Variants in HNRNPL observed in about 807,000 individuals in gnomAD.
The protein encoded by HNRNPL is heterogeneous nuclear ribonucleoprotein L.
A neutral mutation model predicts 64.0 loss-of-function variants in HNRNPL; 12 were observed. The observed-to-expected ratio is 0.19, with a 90% CI of 0.12 to 0.30. The LOEUF (loss-of-function observed/expected upper bound fraction) is 0.30. Among genes scored for constraint, HNRNPL ranks in the 10% least tolerant of loss-of-function variants. The pLI is 1.00. For synonymous variants in HNRNPL, 385 were observed against 313.0 expected, an observed-to-expected ratio of 1.23 and a Z score of -2.43; for missense variants, 484 against 797.4, an observed-to-expected ratio of 0.61 and a Z score of 4.73.
At chr19:38,840,793 G>A (rs1972091666) in intron 6 of HNRNPL, 1 of 542,398 alleles carries the variant, frequency 1.8e-6, no homozygotes, top group Non-Finnish European at 3.2e-6. Flanking sequence ...GCCTTGTTCT[G>A]TGAAGGACAA....
intron 10 of HNRNPL, among the ~76,000 whole-genome samples, chr19:38,837,930 T>C (rs1971983773): frequency 6.6e-6 from 1 of 152,268 alleles, no homozygotes; most frequent in Admixed American, 6.5e-5. Flanking sequence ...CACTGTTTGC[T>C]GAATGCAAGG....
At chr19:38,842,879 A>G (rs1444793417) in intron 6 of HNRNPL, among the ~76,000 whole-genome samples, 1 of 152,164 alleles carries the variant, frequency 6.6e-6, no homozygotes, top group Admixed American at 6.5e-5. Flanking sequence ...GGTTGTTGCC[A>G]TGTTTCTGTT....
upstream of HNRNPL, among the ~76,000 whole-genome samples, chr19:38,851,500 G>A (rs908259357): frequency 6.6e-6 from 1 of 152,258 alleles, no homozygotes; most frequent in Non-Finnish European, 1.5e-5. Flanking sequence ...AGAAATAAAA[G>A]CGAAGCTAGC....
intron 12 of HNRNPL, 22 bp downstream of exon 12, chr19:38,837,362 T>G: frequency 3.8e-6 from 6 of 1,594,392 alleles, no homozygotes; most frequent in Non-Finnish European, 5.2e-6. Flanking sequence ...GGTTGATGCC[T>G]GCAGGACACA....
chr19:38,840,806 C>A, intron 6 of HNRNPL: 1 of 523,858 alleles, frequency 1.9e-6, no homozygotes, highest in Non-Finnish European at 3.3e-6. Flanking sequence ...AAGGACAAGG[C>A]CAGATTCTGT....
chr19:38,843,671 G>A, intron 6 of HNRNPL, 171 bp downstream of exon 6: 2 of 618,398 alleles, frequency 3.2e-6, no homozygotes, highest in East Asian at 5.5e-5. Context: ...GACCCATGGA[G>A]GCCTCTCACT....
chr19:38,851,076 T>A (rs1235191526), upstream of HNRNPL: 2 of 152,466 alleles, frequency 1.3e-5, no homozygotes, highest in Non-Finnish European at 2.9e-5. Context: ...ACCTGACAGC[T>A]CGACCCCTCT....
intron 6 of HNRNPL, chr19:38,841,542 G>A (rs907240887): frequency 2.0e-5 from 13 of 654,206 alleles, no homozygotes; most frequent in East Asian, 1.3e-4. Flanking sequence ...AATGGAAAAG[G>A]ACTACTTACA....
rs1437912946 is a variant in HNRNPL at position 38,843,888 on chromosome 19, A to G, written c.834T>C (p.Asn278=). 5.6e-6 allele frequency: 9 copies of G among 1,614,222 alleles called. No homozygotes were observed. The highest frequency in any genetic ancestry group is 7.6e-6 in the Non-Finnish European group (9 of 1,180,016). Residue 278 remains asparagine, a synonymous_variant, in exon 6 of 13, where the codon AAT becomes AAC. Coordinates refer to ENST00000221419, the MANE Select transcript of HNRNPL (RefSeq NM_001533.3). Reference sequence around the variant, plus strand: ...TTGTGTAGTCCCAAGTATCCTGATCATTCTTGAACACATTCAAGCGTGTAG... The same window carrying G: ...TTGTGTAGTCCCAAGTATCCTGATCGTTCTTGAACACATTCAAGCGTGTAG... ...AKPTRLNVFK[N]DQDTWDYTNP...
In HNRNPL at chr19:38,849,763, G is replaced by A. The variant is rs1167987427; in HGVS notation, c.204C>T (p.Asp68=). ...CGCCACCGCCGCCGCCTCCGTGCTG[G>A]TCGCCGGCGTTGTCAGTCTTGAGCC... ...PKRLKTDNAG[D]QHGGGGGGGG... is the part of the protein sequence containing the mutation. The change falls in exon 1 of 13, where the codon GAC becomes GAT. Residue 68 remains aspartate (D), a synonymous_variant. Coordinates refer to ENST00000221419, the MANE Select transcript of HNRNPL (RefSeq NM_001533.3). 7.0e-7 allele frequency: 1 copy of A among 1,422,758 alleles called. No individual in the cohort carries two copies. The highest frequency in any genetic ancestry group is 2.6e-5 in the Admixed American group (1 of 38,884). 88.1% of individuals were successfully genotyped at this position (1,422,758 alleles called of 1,614,324 possible). A position where few individuals can be genotyped will look rare whatever the true frequency, so the allele number is the denominator to read the frequency against.
At chr19:38,849,378 AT>A (rs1972418385) in intron 1 of HNRNPL, 1 of 282,530 alleles carries the variant, frequency 3.5e-6, no homozygotes, top group Admixed American at 5.3e-5. Context: ...AGCGAAGAAA[AT>A]GATAAAGGGG....
chr19:38,849,074 G>A (rs191157994), intron 1 of HNRNPL, among the ~76,000 whole-genome samples: 2 of 152,280 alleles, frequency 1.3e-5, no homozygotes, highest in Admixed American at 6.5e-5. Flanking sequence ...GTGAATCCCC[G>A]GAAACTGTAA....
intron 4 of HNRNPL, 51 bp from the exon 5 acceptor site, chr19:38,844,155 T>C: frequency 8.3e-7 from 1 of 1,202,496 alleles, no homozygotes; most frequent in Non-Finnish European, 1.2e-6. Flanking sequence ...GAGAAGGGCT[T>C]CAAGTTACCC....
chr19:38,849,912 T>G lies in HNRNPL; in HGVS notation c.55A>C (p.Arg19=). The change falls in exon 1 of 13, where the codon AGG becomes CGG. Residue 19 remains arginine (R), a synonymous_variant. Transcript: ENST00000221419. ...AEKRRRRLEQ[R]QQPDEQRRRS... is the part of the protein sequence containing the mutation. ...CTCCGCTGCTCGTCCGGCTGCTGCCTCTGCTCCAGCCGCCGACGCCGCTTC... is the reference window on the plus strand; with the variant it reads ...CTCCGCTGCTCGTCCGGCTGCTGCCGCTGCTCCAGCCGCCGACGCCGCTTC... 1 of 1,300,796 alleles carries G rather than the reference T, an allele frequency of 7.7e-7. No homozygotes were observed. Among genetic ancestry groups the G allele is most frequent in the South Asian group, 1.3e-5 (1 of 78,598 alleles). The allele number at this position is 1,300,796 out of a possible 1,614,324, so 80.6% of individuals were successfully genotyped here. A position where few individuals can be genotyped will look rare whatever the true frequency, so the allele number is the denominator to read the frequency against.
At chr19:38,843,783 G>A (rs1285440893) in intron 6 of HNRNPL, 59 bp downstream of exon 6, 10 of 1,375,656 alleles carry the variant, frequency 7.3e-6, no homozygotes, top group South Asian at 1.2e-5. Flanking sequence ...CCTATTAAGT[G>A]CACTAGTCGA....
chr19:38,849,505 A>AC (rs1194659379), intron 1 of HNRNPL, 195 bp downstream of exon 1: 30 of 706,112 alleles, frequency 4.2e-5, no homozygotes, highest in Non-Finnish European at 5.7e-5. Flanking sequence ...CCCGCTCCGG[A>AC]CCCCGCGCAC....
chr19:38,838,802 A>G, intron 9 of HNRNPL, 92 bp downstream of exon 9: 1 of 1,534,470 alleles, frequency 6.5e-7, no homozygotes, highest in Non-Finnish European at 9.0e-7. Context: ...GTGAGTCAAC[A>G]CCTCGGCCTC....
intron 1 of HNRNPL, chr19:38,847,769 TG>T (rs1484475548): frequency 5.7e-6 from 1 of 174,142 alleles, no homozygotes; most frequent in Non-Finnish European, 1.2e-5. Flanking sequence ...CAAGGAAACA[TG>T]GGAAAAGAGT....
upstream of HNRNPL, among the ~76,000 whole-genome samples, chr19:38,851,906 AAC>A (rs2145447757): frequency 6.6e-6 from 1 of 152,114 alleles, no homozygotes; most frequent in Admixed American, 6.5e-5. Context: ...ACGCCAACGG[AAC>A]AGAGACGGGG....
Sources: gnomAD v4.1 joint callset for allele counts (sites outside exome capture counted in the v4.1 genomes callset) on GRCh38, gnomAD v4.1.1 for gene constraint, MANE v1.5 for transcripts, NCBI Gene and HGNC (gene_info 2026-07-23, HGNC 2026-07-21) for gene names.